The following LIMA1 variants were observed in gnomAD, a reference collection of about 807,000 sequenced individuals.
LIMA1 encodes the protein LIM domain and actin-binding protein 1.
In LIMA1, 52 loss-of-function variants were observed where a neutral mutation model predicts 62.6. The ratio of observed to expected loss-of-function variants is 0.83; its 90% CI spans 0.67 to 1.05. The LOEUF is 1.05. Among genes scored for constraint, LIMA1 ranks in the 50% least tolerant of loss-of-function variants. LIMA1 has a pLI of 0.00. For synonymous variants in LIMA1, 302 were observed against 317.8 expected (o/e 0.95, Z 0.53); for missense variants, 780 against 902.2 (o/e 0.86, Z 1.74).
rs745558116 is a variant in LIMA1, at chr12:50,212,508, TAGAA to T, written c.631-6444_631-6441del. On this transcript the variant is annotated intron_variant, in intron 4 of 10. Coordinates refer to ENST00000341247, the MANE Select transcript of LIMA1 (RefSeq NM_016357.5). ...GTTAATGTAAGTAAAATAATACACA[TAGAA>T]AGAGATTTATCTCCAGGTGGTAGGA... Among the ~76,000 whole-genome samples, 507 of 152,186 alleles carry T rather than the reference TAGAA, an allele frequency of 3.3e-3. 1 individual carries two copies. The highest frequency in any genetic ancestry group is 4.5e-3 in the Non-Finnish European group (303 of 68,012).
intron 10 of LIMA1, among the ~76,000 whole-genome samples, chr12:50,180,559 C>T (rs1940475917): frequency 6.6e-6 from 1 of 152,132 alleles, no homozygotes; most frequent in Non-Finnish European, 1.5e-5. Context: ...TACCTGGGCA[C>T]TCCCAAAATG....
At chr12:50,191,101 C>T (rs1487591651) in intron 9 of LIMA1, among the ~76,000 whole-genome samples, 2 of 137,390 alleles carry the variant, frequency 1.5e-5, no homozygotes, top group African/African-American at 5.7e-5. Context: ...AAAGTGAGAA[C>T]CTGTCTCAAA....
chr12:50,263,857 GTA>G (rs67882718), intron 1 of LIMA1, among the ~76,000 whole-genome samples: 52,101 of 124,670 alleles, frequency 0.42, 10,527 homozygotes, highest in South Asian at 0.54. Context: ...TATATAGAGA[GTA>G]TATATATATA....
intron 4 of LIMA1, among the ~76,000 whole-genome samples, chr12:50,215,807 T>G (rs1941335074): frequency 6.6e-6 from 1 of 152,052 alleles, no homozygotes; most frequent in South Asian, 2.1e-4. Flanking sequence ...CCCAGCACTT[T>G]GGAAGGCCGA....
intron 1 of LIMA1, among the ~76,000 whole-genome samples, chr12:50,267,950 C>T (rs932285426): frequency 2.0e-5 from 3 of 151,880 alleles, no homozygotes; most frequent in African/African-American, 4.8e-5. Context: ...CCACCGTGCC[C>T]GGCCACATTT....
At chr12:50,187,767 C>G (rs1232636614) in intron 9 of LIMA1, 1 of 152,170 alleles carries the variant, frequency 6.6e-6, no homozygotes, top group East Asian at 1.9e-4. Flanking sequence ...CATTCATCAG[C>G]AAAACGCTGT....
At chr12:50,214,791 GCAAA>G (rs970039884) in intron 4 of LIMA1, among the ~76,000 whole-genome samples, 30 of 152,294 alleles carry the variant, frequency 2.0e-4, no homozygotes, top group African/African-American at 6.0e-4. Context: ...GGGCGACAGA[GCAAA>G]CAAACAAACA....
intron 4 of LIMA1, among the ~76,000 whole-genome samples, chr12:50,216,651 A>G (rs1050392551): frequency 6.6e-6 from 1 of 152,082 alleles, no homozygotes; most frequent in Non-Finnish European, 1.5e-5. Flanking sequence ...ACCTGAGGTC[A>G]GGAGTTCAAG....
At chr12:50,233,478 A>G (rs1384859604) in intron 2 of LIMA1, among the ~76,000 whole-genome samples, 1 of 152,176 alleles carries the variant, frequency 6.6e-6, no homozygotes, top group African/African-American at 2.4e-5. Context: ...AGTGTAAGTT[A>G]TTGATATTGT....
intron 2 of LIMA1, among the ~76,000 whole-genome samples, chr12:50,235,976 C>T (rs1203129763): frequency 2.0e-5 from 3 of 152,066 alleles, no homozygotes; most frequent in African/African-American, 7.2e-5. Flanking sequence ...ACCAGCCCCG[C>T]CAACCTGGCA....
chr12:50,177,556 T>A lies in LIMA1; in HGVS notation c.1788A>T (p.Ser596=), dbSNP rs1565824081. 1.2e-6 allele frequency: 2 copies of A among 1,611,540 alleles called. No individual in the cohort carries two copies. Among genetic ancestry groups the A allele is most frequent in the Non-Finnish European group, 1.7e-6 (2 of 1,179,038 alleles). Residue 596 remains serine (S), a synonymous_variant, in exon 11 of 11, where the codon TCA becomes TCT. Transcript: ENST00000341247. ...GGCTCTTGACAGAGGTGCTTTGAAA[T>A]GAAGCTGCTACAGTGAATGGGCGGC... is the stretch of plus-strand genomic sequence containing the variant. ...ERSRPFTVAA[S]FQSTSVKSPK...
At chr12:50,244,262 C>G (rs937861662) in intron 2 of LIMA1, among the ~76,000 whole-genome samples, 2 of 152,180 alleles carry the variant, frequency 1.3e-5, no homozygotes, top group Non-Finnish European at 2.9e-5. Flanking sequence ...GGCCACGATG[C>G]CCAGCTAATT....
intron 8 of LIMA1, 158 bp downstream of exon 8, chr12:50,195,672 A>G: frequency 3.5e-6 from 2 of 576,992 alleles, no homozygotes; most frequent in Non-Finnish European, 5.6e-6. Context: ...TCCTTAAGCC[A>G]TGAAGTGTGT....
At chr12:50,193,793 T>C (rs868005311) in intron 8 of LIMA1, among the ~76,000 whole-genome samples, 9 of 143,358 alleles carry the variant, frequency 6.3e-5, no homozygotes, top group Middle Eastern at 3.4e-3. Context: ...GCCTCCCAAG[T>C]AGCTGGGACC....
intron 7 of LIMA1, among the ~76,000 whole-genome samples, chr12:50,197,098 G>A (rs1164969813): frequency 7.0e-6 from 1 of 142,922 alleles, no homozygotes; most frequent in Admixed American, 7.1e-5. Context: ...TTTGAATGGA[G>A]TCTTGCTCTG....
chr12:50,241,732 A>G (rs1941778983), intron 2 of LIMA1, among the ~76,000 whole-genome samples: 1 of 152,096 alleles, frequency 6.6e-6, no homozygotes, highest in Non-Finnish European at 1.5e-5. Flanking sequence ...AGATTGCCAC[A>G]AGACTGAGGC....
intron 3 of LIMA1, among the ~76,000 whole-genome samples, chr12:50,225,499 AT>A (rs1186796279): frequency 6.6e-6 from 1 of 152,088 alleles, no homozygotes; most frequent in Non-Finnish European, 1.5e-5. Flanking sequence ...TACACTTTGC[AT>A]TTAATCACCT....
At chr12:50,254,027 CAA>C (rs376086760) in intron 1 of LIMA1, among the ~76,000 whole-genome samples, 6 of 93,794 alleles carry the variant, frequency 6.4e-5, no homozygotes, top group Admixed American at 1.3e-4. Flanking sequence ...GACTCTGTCT[CAA>C]AAAAAAAAAA....
In LIMA1 at chr12:50,193,560, A is replaced by ATG. The variant is rs1441609258; in HGVS notation, c.1031-1001_1031-1000dup. 3.2e-3 allele frequency among the ~76,000 whole-genome samples: 417 copies of ATG among 128,570 alleles called. 4 individuals carry two copies. Among genetic ancestry groups the ATG allele is most frequent in the African/African-American group, 0.012 (390 of 31,792 alleles). The allele number at this position is 128,570 out of a possible 152,430, so 84.3% of individuals were successfully genotyped here. Reference sequence around the variant, plus strand: ...ATATATATATACATATATATCATATATGTATATATGATATATATATACATG... The same window carrying ATG: ...ATATATATATACATATATATCATATATGTGTATATATGATATATATATACATG... On this transcript the variant is annotated intron_variant, in intron 8 of 10. Coordinates refer to ENST00000341247, the MANE Select transcript of LIMA1 (RefSeq NM_016357.5).
Sources: allele counts gnomAD v4.1 joint callset (sites outside exome capture counted in the v4.1 genomes callset), GRCh38; gene constraint gnomAD v4.1.1; transcripts MANE v1.5; gene names NCBI Gene and HGNC (gene_info 2026-07-23, HGNC 2026-07-21).